The following DISP1 variants were observed in gnomAD, a reference collection of about 807,000 sequenced individuals.
DISP1 encodes dispatched RND transporter family member 1, also known as protein dispatched homolog 1.
Under a neutral mutation model 37.3 loss-of-function variants are expected in DISP1, and 30 were observed. That is an observed-to-expected ratio of 0.80 (90% CI 0.60 to 1.09). The LOEUF (loss-of-function observed/expected upper bound fraction) is 1.09, where lower values mean the gene tolerates loss of function less well. DISP1 is among the 50% of genes least tolerant of loss of function. The pLI, the probability that DISP1 is intolerant of heterozygous loss-of-function variation, is 0.00. For missense variants in DISP1, 1,598 were observed against 1,879.5 expected (o/e 0.85, Z 2.77); for synonymous variants, 634 against 690.2 (o/e 0.92, Z 1.28).
Position 222,936,906 on chromosome 1 carries a change from A to ATGTAATATATATT in DISP1, c.-17-5901_-17-5900insTGTAATATATATT, listed in dbSNP as rs1245537583. On this transcript the variant is annotated intron_variant, in intron 2 of 8. Transcript: ENST00000675850. ...TATATATAATATATTATTTATATAT[A>ATGTAATATATATT]ATATATTATATATTATATAATATGT... Among the ~76,000 whole-genome samples the ATGTAATATATATT allele has an allele frequency of 2.8e-3, 150 of 52,714 alleles. 1 individual carries two copies. Among genetic ancestry groups the ATGTAATATATATT allele is most frequent in the African/African-American group, 0.01 (145 of 14,138 alleles). The allele number at this position is 52,714 out of a possible 152,430, so 34.6% of individuals were successfully genotyped here.
At chr1:222,982,218 T>C (rs973656800) in intron 3 of DISP1, among the ~76,000 whole-genome samples, 1 of 152,210 alleles carries the variant, frequency 6.6e-6, no homozygotes, top group African/African-American at 2.4e-5. Context: ...CAATATGCCA[T>C]TTGGTTGAAA....
At chr1:222,818,439 G>A (rs1661796070) in intron 1 of DISP1, among the ~76,000 whole-genome samples, 1 of 152,174 alleles carries the variant, frequency 6.6e-6, no homozygotes, top group Non-Finnish European at 1.5e-5. Flanking sequence ...GGAGCCTCTT[G>A]AAGCAAAATA....
At chr1:222,927,109 AT>A (rs112368421) in intron 1 of DISP1, among the ~76,000 whole-genome samples, 565 of 138,176 alleles carry the variant, frequency 4.1e-3, no homozygotes, top group Middle Eastern at 3.8e-3. Context: ...TTACCAAGCT[AT>A]TTTTTTTTTT....
At chr1:222,872,440 A>G (rs1434328116) in intron 1 of DISP1, 1 of 152,154 alleles carries the variant, frequency 6.6e-6, no homozygotes, top group African/African-American at 2.4e-5. Flanking sequence ...TTGGTAAGCT[A>G]TTAATTATTG....
intron 1 of DISP1, among the ~76,000 whole-genome samples, chr1:222,845,406 C>CT (rs1162535188): frequency 3.3e-5 from 5 of 152,114 alleles, no homozygotes; most frequent in Non-Finnish European, 1.5e-5. Context: ...GATACTGTTG[C>CT]TTAAAAGGAC....
chr1:222,879,927 T>C (rs1670182916), intron 1 of DISP1, among the ~76,000 whole-genome samples: 1 of 152,010 alleles, frequency 6.6e-6, no homozygotes, highest in African/African-American at 2.4e-5. Flanking sequence ...TAGAGGAGCA[T>C]AACATTAAAG....
At chr1:222,894,313 C>T (rs1671112540) in intron 1 of DISP1, among the ~76,000 whole-genome samples, 1 of 152,194 alleles carries the variant, frequency 6.6e-6, no homozygotes, top group African/African-American at 2.4e-5. Context: ...CACTTTAGTC[C>T]ATCGCGCCCA....
At chr1:222,959,978 A>C (rs181398030) in intron 3 of DISP1, among the ~76,000 whole-genome samples, 1 of 152,304 alleles carries the variant, frequency 6.6e-6, no homozygotes, top group Non-Finnish European at 1.5e-5. Flanking sequence ...AGATTCATAA[A>C]ACAAGTTCTT....
intron 1 of DISP1, among the ~76,000 whole-genome samples, chr1:222,903,967 T>C (rs574536700): frequency 6.6e-6 from 1 of 152,356 alleles, no homozygotes; most frequent in Admixed American, 6.5e-5. Context: ...TATTTTCATC[T>C]GCTTCAGTGT....
intron 1 of DISP1, among the ~76,000 whole-genome samples, chr1:222,889,707 T>G (rs1336052874): frequency 1.3e-5 from 2 of 152,146 alleles, no homozygotes; most frequent in Non-Finnish European, 2.9e-5. Context: ...CTTTTAAAAA[T>G]TACTTACTGT....
intron 1 of DISP1, chr1:222,837,369 C>A (rs1667297753): frequency 3.4e-6 from 1 of 295,696 alleles, no homozygotes; most frequent in Admixed American, 5.1e-5. Flanking sequence ...GAGAAATAAA[C>A]TTCTATCTTC....
At chr1:222,849,645 A>G (rs1283465411) in intron 1 of DISP1, among the ~76,000 whole-genome samples, 1 of 152,202 alleles carries the variant, frequency 6.6e-6, no homozygotes, top group Non-Finnish European at 1.5e-5. Context: ...GTATTAGCAC[A>G]TACTAGTAGA....
At chr1:222,899,485 A>G (rs2125402116) in intron 1 of DISP1, among the ~76,000 whole-genome samples, 1 of 152,268 alleles carries the variant, frequency 6.6e-6, no homozygotes, top group South Asian at 2.1e-4. Flanking sequence ...TCAAAATAAA[A>G]TCTCCATTTT....
intron 1 of DISP1, among the ~76,000 whole-genome samples, chr1:222,818,342 C>A (rs1246323082): frequency 6.6e-6 from 1 of 152,060 alleles, no homozygotes; most frequent in Non-Finnish European, 1.5e-5. Context: ...TCCTTTGTTA[C>A]CTGGAGAGGG....
intron 1 of DISP1, among the ~76,000 whole-genome samples, chr1:222,917,945 A>G (rs912578864): frequency 3.3e-5 from 5 of 152,248 alleles, no homozygotes; most frequent in African/African-American, 9.6e-5. Flanking sequence ...GGACATTTCA[A>G]AAAAGAATGC....
chr1:222,959,282 T>A (rs1460956130), intron 3 of DISP1, among the ~76,000 whole-genome samples: 1 of 152,200 alleles, frequency 6.6e-6, no homozygotes, highest in Non-Finnish European at 1.5e-5. Flanking sequence ...TATTGAACCC[T>A]TACTATATGC....
Position 222,893,114 on chromosome 1 carries a change from T to C in DISP1, c.-158-35316T>C, listed in dbSNP as rs1459465677. ...CTATATCAGGTATAGATCATTTTTATGTTACGAAAATATCGATCTTATCAC... is the reference window on the plus strand; with the variant it reads ...CTATATCAGGTATAGATCATTTTTACGTTACGAAAATATCGATCTTATCAC... On this transcript the variant is annotated intron_variant, in intron 1 of 8. Transcript: ENST00000675850. This position sits in a 1 kb window ranked among gnomAD's most constrained non-coding sequence, Gnocchi z 4.3. 6.6e-6 allele frequency among the ~76,000 whole-genome samples: 1 copy of C among 152,246 alleles called. No individual in the cohort carries two copies. The highest frequency in any genetic ancestry group is 1.5e-5 in the Non-Finnish European group (1 of 68,042).
chr1:222,911,616 C>T (rs1672212846), intron 1 of DISP1, among the ~76,000 whole-genome samples: 1 of 152,004 alleles, frequency 6.6e-6, no homozygotes, highest in Non-Finnish European at 1.5e-5. Flanking sequence ...CCTGGGATTG[C>T]TCAAACAATC....
intron 1 of DISP1, among the ~76,000 whole-genome samples, chr1:222,830,471 C>T (rs1474621626): frequency 2.0e-5 from 3 of 152,084 alleles, no homozygotes; most frequent in Non-Finnish European, 4.4e-5. Context: ...ATCTCCACCT[C>T]CCAGGTTCAA....
Sources: allele counts gnomAD v4.1 joint callset (sites outside exome capture counted in the v4.1 genomes callset), GRCh38; gene constraint gnomAD v4.1.1; non-coding constraint Gnocchi (gnomAD v3.1); transcripts MANE v1.5; gene names NCBI Gene and HGNC (gene_info 2026-07-23, HGNC 2026-07-21).